MTHFD1L: variants seen among roughly 807,000 people sequenced by gnomAD.
The protein encoded by MTHFD1L is methylenetetrahydrofolate dehydrogenase (NADP+ dependent) 1 like.
A neutral mutation model predicts 119.5 loss-of-function variants in MTHFD1L; 81 were observed. That is an observed-to-expected ratio of 0.68 (90% CI 0.57 to 0.82). MTHFD1L has a LOEUF of 0.82. Ranked by LOEUF, MTHFD1L falls within the 40% of genes least tolerant of loss-of-function variation. The probability of loss-of-function intolerance (pLI) is 0.00; values close to 1 mark genes in which losing one functional copy is unlikely to be tolerated. For missense variants in MTHFD1L, 1,125 were observed against 1,253.4 expected, an observed-to-expected ratio of 0.90 and a Z score of 1.55; for synonymous variants, 430 against 475.2, an observed-to-expected ratio of 0.90 and a Z score of 1.24.
intron 25 of MTHFD1L, among the ~76,000 whole-genome samples, chr6:151,035,206 A>G (rs1450806933): frequency 6.6e-6 from 1 of 152,164 alleles, no homozygotes; most frequent in Non-Finnish European, 1.5e-5. Flanking sequence ...AGCATGCATC[A>G]CCATCTAGTC....
chr6:150,925,807 C>T (rs749049027), intron 10 of MTHFD1L, among the ~76,000 whole-genome samples: 9 of 152,006 alleles, frequency 5.9e-5, no homozygotes, highest in East Asian at 5.8e-4. Flanking sequence ...GCTCTGTAGT[C>T]GAATCACACT....
chr6:150,977,899 C>T (rs6913357), intron 20 of MTHFD1L, among the ~76,000 whole-genome samples: 66,278 of 148,696 alleles, frequency 0.45, 16,990 homozygotes, highest in African/African-American at 0.67. Flanking sequence ...TATATATATA[C>T]ACCTTTTTTT....
At position 150,931,717 on chromosome 6, in the gene MTHFD1L, A is replaced by G. The variant is rs115219673; in HGVS notation, c.1257-5087A>G. Among the ~76,000 whole-genome samples the G allele has an allele frequency of 2.9e-3, 448 of 152,352 alleles. 4 individuals carry two copies. Among genetic ancestry groups the G allele is most frequent in the African/African-American group, 0.01 (424 of 41,584 alleles). Reference sequence around the variant, plus strand: ...TTCAACAAGATTCTGGGTCTTTAGAATAGTTCAAAGTTTTACCACTTCTCT... The same window carrying G: ...TTCAACAAGATTCTGGGTCTTTAGAGTAGTTCAAAGTTTTACCACTTCTCT... On this transcript the variant is annotated intron_variant, in intron 11 of 27. Transcript: ENST00000367321.
At chr6:151,092,910 C>G (rs1382590254) in intron 27 of MTHFD1L, among the ~76,000 whole-genome samples, 1 of 152,158 alleles carries the variant, frequency 6.6e-6, no homozygotes, top group Non-Finnish European at 1.5e-5. Flanking sequence ...TTGTTCTTTT[C>G]CAGGATTAAA....
chr6:151,015,312 C>T (rs554191985), intron 23 of MTHFD1L, among the ~76,000 whole-genome samples: 1 of 146,748 alleles, frequency 6.8e-6, no homozygotes, highest in African/African-American at 2.5e-5. Flanking sequence ...ACACCCTTAA[C>T]GACTTGAAAT....
Position 150,956,035 on chromosome 6 carries a change from C to G in MTHFD1L, c.1767C>G (p.Ile589Met), listed in dbSNP as rs113806279. ...ACCGATTTCTACGAAAAATAACCAT[C>G]GGGCAGGGAAACACAGAGAAGGGCC... ...TNDRFLRKIT[I>M]GQGNTEKGHY... Residue 589 changes from isoleucine (I) to methionine (M), a missense_variant, in exon 17 of 28, where the codon ATC (isoleucine) becomes ATG (methionine). By Grantham distance (10) the Ile-to-Met change is conservative. Around this residue, in one of 3 missense-constraint regions of MTHFD1L, gnomAD observed 1,058 missense variants for 1,151.2 expected, o/e 0.92. Transcript: ENST00000367321. The G allele has an allele frequency of 9.9e-6, 16 of 1,613,976 alleles. No homozygotes were observed. Among genetic ancestry groups the G allele is most frequent in the East Asian group, 4.5e-5 (2 of 44,882 alleles).
intron 11 of MTHFD1L, chr6:150,935,111 A>G: frequency 6.2e-7 from 1 of 1,613,916 alleles, no homozygotes; most frequent in Non-Finnish European, 8.5e-7. Context: ...TGTAAATACC[A>G]TACCTACCAA....
chr6:150,886,586 TTA>T (rs1782347231), intron 6 of MTHFD1L, among the ~76,000 whole-genome samples: 1 of 152,176 alleles, frequency 6.6e-6, no homozygotes, highest in Non-Finnish European at 1.5e-5. Flanking sequence ...CTTGGCGTTT[TTA>T]TGTCAGTGAA....
intron 26 of MTHFD1L, among the ~76,000 whole-genome samples, chr6:151,048,146 G>T (rs1351551921): frequency 6.6e-6 from 1 of 152,126 alleles, no homozygotes; most frequent in African/African-American, 2.4e-5. Flanking sequence ...ATGAGATTTG[G>T]CTGGGGATAC....
chr6:151,065,765 G>A (rs1300845641), intron 26 of MTHFD1L, among the ~76,000 whole-genome samples: 2 of 152,208 alleles, frequency 1.3e-5, no homozygotes, highest in African/African-American at 4.8e-5. Context: ...TGCCCATCCT[G>A]TGCATAGGGC....
chr6:150,889,944 G>A (rs1782946254), intron 7 of MTHFD1L, among the ~76,000 whole-genome samples: 1 of 152,212 alleles, frequency 6.6e-6, no homozygotes, highest in Non-Finnish European at 1.5e-5. Context: ...ACCACCTGAG[G>A]TTGGGGTTTC....
intron 12 of MTHFD1L, among the ~76,000 whole-genome samples, chr6:150,938,385 A>G (rs1402374448): frequency 1.3e-5 from 2 of 152,232 alleles, no homozygotes; most frequent in African/African-American, 2.4e-5. Flanking sequence ...TAGATAAAGT[A>G]TAGTCACAGA....
chr6:150,947,788 A>G (rs1426269552), intron 15 of MTHFD1L, among the ~76,000 whole-genome samples: 1 of 152,164 alleles, frequency 6.6e-6, no homozygotes. Context: ...GAGCAGCCCA[A>G]GGAGCCCCTG....
At chr6:150,992,111 T>C (rs1164908074) in intron 20 of MTHFD1L, among the ~76,000 whole-genome samples, 1 of 152,198 alleles carries the variant, frequency 6.6e-6, no homozygotes, top group Non-Finnish European at 1.5e-5. Context: ...TCATACCACT[T>C]TTCTGAAGTC....
rs187148594 is a variant in MTHFD1L, at chr6:150,886,673, A to G, written c.643+939A>G. ...TTACTACCAAGTATTTATATATTTA[A>G]GGGCTTTCTGAGAACATAAAGATTC... On this transcript the variant is annotated intron_variant, in intron 6 of 27. Coordinates refer to ENST00000367321, the MANE Select transcript of MTHFD1L (RefSeq NM_015440.5). Among the ~76,000 whole-genome samples the G allele has an allele frequency of 2.4e-3, 368 of 152,110 alleles. 2 individuals are homozygous for G. Among genetic ancestry groups the G allele is most frequent in the African/African-American group, 8.4e-3 (347 of 41,498 alleles).
intron 20 of MTHFD1L, among the ~76,000 whole-genome samples, chr6:151,007,227 A>G (rs1562527989): frequency 1.3e-5 from 2 of 149,930 alleles, no homozygotes; most frequent in Admixed American, 1.3e-4. Flanking sequence ...CCTCTCTCCA[A>G]CCCTCCCAGG....
chr6:151,046,710 A>G (rs1788149150), intron 26 of MTHFD1L, among the ~76,000 whole-genome samples: 1 of 151,824 alleles, frequency 6.6e-6, no homozygotes, highest in Non-Finnish European at 1.5e-5. Flanking sequence ...CTCTTATTAC[A>G]CTTTTCTATC....
chr6:151,093,865 C>A (rs1186679144), intron 27 of MTHFD1L, among the ~76,000 whole-genome samples: 2 of 152,100 alleles, frequency 1.3e-5, no homozygotes, highest in Non-Finnish European at 2.9e-5. Context: ...AGAAAGTAGG[C>A]CACTTGATGA....
At chr6:150,975,604 A>G (rs1014411431) in intron 20 of MTHFD1L, among the ~76,000 whole-genome samples, 15 of 152,158 alleles carry the variant, frequency 9.9e-5, no homozygotes, top group African/African-American at 3.6e-4. Flanking sequence ...AAAAACTCCA[A>G]ATGTCACTCA....
Sources: gnomAD v4.1 joint callset for allele counts (sites outside exome capture counted in the v4.1 genomes callset) on GRCh38, gnomAD v4.1.1 for gene constraint, gnomAD v4.1.1 regional missense constraint, MANE v1.5 for transcripts, NCBI Gene and HGNC (gene_info 2026-07-23, HGNC 2026-07-21) for gene names.